OSBPL10: variants seen among roughly 807,000 people sequenced by gnomAD.
OSBPL10 encodes the protein oxysterol-binding protein-related protein 10.
A neutral mutation model predicts 81.7 loss-of-function variants in OSBPL10; 49 were observed. That is an observed-to-expected ratio of 0.60 (90% CI 0.48 to 0.76). The LOEUF is 0.76. Ranked by LOEUF, OSBPL10 falls within the 30% of genes least tolerant of loss-of-function variation. The pLI, the probability that OSBPL10 is intolerant of heterozygous loss-of-function variation, is 0.00. For synonymous variants in OSBPL10, 419 were observed against 383.6 expected (o/e 1.09, Z -1.08); for missense variants, 923 against 987.8 (o/e 0.93, Z 0.88).
intron 7 of OSBPL10, among the ~76,000 whole-genome samples, chr3:31,692,233 AATTC>A (rs1695579414): frequency 6.6e-6 from 1 of 152,186 alleles, no homozygotes; most frequent in Non-Finnish European, 1.5e-5. Flanking sequence ...GTACGTGGCA[AATTC>A]ATCTCCCCAG....
chr3:31,682,774 CT>C, intron 8 of OSBPL10, among the ~76,000 whole-genome samples: 1 of 152,296 alleles, frequency 6.6e-6, no homozygotes, highest in African/African-American at 2.4e-5. Context: ...CAGAACAGAT[CT>C]TTTTTGGTCT....
chr3:31,847,019 T>C (rs538662898), intron 3 of OSBPL10, among the ~76,000 whole-genome samples: 1 of 152,234 alleles, frequency 6.6e-6, no homozygotes, highest in Admixed American at 6.5e-5. Context: ...GAATCACAAA[T>C]GTCCACTCTC....
At chr3:31,838,367 CG>C (rs1700410364) in intron 3 of OSBPL10, among the ~76,000 whole-genome samples, 1 of 151,896 alleles carries the variant, frequency 6.6e-6, no homozygotes, top group Admixed American at 6.6e-5. Context: ...AAAAATTAGC[CG>C]GGCGTGGTGG....
intron 1 of OSBPL10, among the ~76,000 whole-genome samples, chr3:31,907,563 G>A (rs1055085116): frequency 5.8e-5 from 8 of 137,082 alleles, no homozygotes; most frequent in Admixed American, 5.6e-4. Context: ...AGAGGCAGAG[G>A]TTGCAGTGAG....
chr3:31,711,535 A>G (rs1481641586), intron 6 of OSBPL10, among the ~76,000 whole-genome samples: 3 of 152,204 alleles, frequency 2.0e-5, no homozygotes, highest in Admixed American at 2.0e-4. Flanking sequence ...AAAGGAATGA[A>G]TTTATAAAAC....
chr3:31,751,346 CAAAAT>C (rs1697712943), intron 4 of OSBPL10, among the ~76,000 whole-genome samples: 1 of 150,772 alleles, frequency 6.6e-6, no homozygotes, highest in African/African-American at 2.4e-5. Context: ...GACCTTGTCT[CAAAAT>C]AAATAAATAA....
chr3:31,830,298 T>C, intron 3 of OSBPL10, 67 bp from the exon 4 acceptor site: 1 of 1,477,216 alleles, frequency 6.8e-7, no homozygotes, highest in South Asian at 1.3e-5. Context: ...TGTTGGCTTC[T>C]ATTCATTTTG....
chr3:31,851,127 T>C lies in OSBPL10; in HGVS notation c.538-20896A>G, dbSNP rs191467131. Among the ~76,000 whole-genome samples the C allele has an allele frequency of 1.8e-4, 28 of 152,366 alleles. No homozygotes were observed. In the East Asian group the frequency reaches 1.9e-3, roughly 10 times the overall value. ...TCATTTCAAATGCCAAGGAACGCTC[T>C]AGTAACATTCTTTTGTATTTCAAAA... On this transcript the variant is annotated intron_variant, in intron 3 of 11. Transcript: ENST00000396556.
At chr3:31,825,906 T>G (rs1158465809) in intron 4 of OSBPL10, among the ~76,000 whole-genome samples, 1 of 152,218 alleles carries the variant, frequency 6.6e-6, no homozygotes, top group Non-Finnish European at 1.5e-5. Flanking sequence ...TTATTCTGTA[T>G]AGTTATTTTC....
At chr3:31,992,165 T>TA (rs772006558) in intron 2 of OSBPL10, among the ~76,000 whole-genome samples, 1 of 147,112 alleles carries the variant, frequency 6.8e-6, no homozygotes, top group Non-Finnish European at 1.5e-5. Context: ...AAAAAAAAGA[T>TA]ATGTCAGTGT....
intron 1 of OSBPL10, among the ~76,000 whole-genome samples, chr3:32,076,496 C>T (rs12490791): frequency 0.39 from 59,981 of 151,958 alleles, 14,307 homozygotes; most frequent in Non-Finnish European, 0.54. Flanking sequence ...CACACGGACA[C>T]GCGTGACACA....
At chr3:31,865,271 T>C (rs923323597) in intron 3 of OSBPL10, among the ~76,000 whole-genome samples, 1 of 152,222 alleles carries the variant, frequency 6.6e-6, no homozygotes, top group Non-Finnish European at 1.5e-5. Flanking sequence ...ATCTGTGCTG[T>C]CCAATACGCA....
intron 6 of OSBPL10, among the ~76,000 whole-genome samples, chr3:31,717,935 C>T (rs1257341960): frequency 2.6e-5 from 4 of 152,144 alleles, no homozygotes; most frequent in African/African-American, 9.7e-5. Flanking sequence ...CTGTAATCAT[C>T]CTGGGGTAAT....
intron 2 of OSBPL10, chr3:31,990,127 G>A: frequency 6.2e-7 from 1 of 1,611,406 alleles, no homozygotes; most frequent in Non-Finnish European, 8.5e-7. Flanking sequence ...TTGTGAAAAG[G>A]CTTTCAGGCG....
intron 2 of OSBPL10, among the ~76,000 whole-genome samples, chr3:31,992,111 A>C (rs539299938): frequency 2.7e-5 from 4 of 149,838 alleles, no homozygotes; most frequent in African/African-American, 9.9e-5. Flanking sequence ...GCCCCACTGC[A>C]CTCCAACCTA....
chr3:31,810,724 A>C (rs1175003287), intron 4 of OSBPL10, among the ~76,000 whole-genome samples: 1 of 152,212 alleles, frequency 6.6e-6, no homozygotes, highest in Non-Finnish European at 1.5e-5. Flanking sequence ...TTTAAATTAA[A>C]ATTATGAGAT....
intron 1 of OSBPL10, among the ~76,000 whole-genome samples, chr3:31,920,901 G>A (rs4569692): frequency 0.16 from 23,980 of 152,102 alleles, 2,308 homozygotes; most frequent in African/African-American, 0.23. Context: ...GCTTCCTGAA[G>A]CCAACACCAG....
Position 31,683,993 on chromosome 3 carries a change from A to C in OSBPL10, c.1367T>G (p.Ile456Ser). The change falls in exon 8 of 12, where the codon ATT becomes AGT. Residue 456 changes from isoleucine to serine, a missense_variant. This residue lies in a region of OSBPL10 where 387 missense variants were observed against 436.3 expected (regional missense o/e 0.89). Coordinates refer to ENST00000396556, the MANE Select transcript of OSBPL10 (RefSeq NM_017784.5). ...TGTGAGATAATACTCAACGAAGCAA[A>C]TGACTCTCTCCTCTGGTGTGGCCCC... ...TAGATPEERVICFVEYYLTAF... is the reference protein window; with the variant it reads ...TAGATPEERVSCFVEYYLTAF... The C allele has an allele frequency of 6.2e-7, 1 of 1,614,198 alleles. No individual in the cohort carries two copies. Among genetic ancestry groups the C allele is most frequent in the Non-Finnish European group, 8.5e-7 (1 of 1,180,034 alleles).
chr3:31,917,037 C>T (rs7641393), intron 1 of OSBPL10, among the ~76,000 whole-genome samples: 108,413 of 151,998 alleles, frequency 0.71, 38,711 homozygotes, highest in East Asian at 0.78. Context: ...TGAGGCTGTG[C>T]CTCCTTGCAT....
Sources: gnomAD v4.1 joint callset for allele counts (sites outside exome capture counted in the v4.1 genomes callset) on GRCh38, gnomAD v4.1.1 for gene constraint, gnomAD v4.1.1 regional missense constraint, MANE v1.5 for transcripts, NCBI Gene and HGNC (gene_info 2026-07-23, HGNC 2026-07-21) for gene names.